The following PRKG1 variants were observed in gnomAD, a reference collection of about 807,000 sequenced individuals.
PRKG1 encodes the protein protein kinase cGMP-dependent 1.
Under a neutral mutation model 88.1 loss-of-function variants are expected in PRKG1, and 35 were observed. That is an observed-to-expected ratio of 0.40 (90% confidence interval 0.30 to 0.53). The LOEUF (loss-of-function observed/expected upper bound fraction) is 0.53. Among genes scored for constraint, PRKG1 ranks in the 20% least tolerant of loss-of-function variants. The probability of loss-of-function intolerance (pLI) is 0.59; values close to 1 mark genes in which losing one functional copy is unlikely to be tolerated. For missense variants in PRKG1, 540 were observed against 839.8 expected, an observed-to-expected ratio of 0.64 and a Z score of 4.41; for synonymous variants, 303 against 292.5, an observed-to-expected ratio of 1.04 and a Z score of -0.37.
At chr10:51,279,522 G>T (rs1840231509) in intron 2 of PRKG1, among the ~76,000 whole-genome samples, 1 of 152,298 alleles carries the variant, frequency 6.6e-6, no homozygotes, top group Admixed American at 6.5e-5. Context: ...AAGTCTCTTT[G>T]TAGGTCTCTA....
At chr10:51,724,869 C>CTTTTTTTTTTTTTTTT (rs556620255) in intron 3 of PRKG1, among the ~76,000 whole-genome samples, 1 of 110,780 alleles carries the variant, frequency 9.0e-6, no homozygotes, top group Non-Finnish European at 1.8e-5. Context: ...AATTTTTGTA[C>CTTTTTTTTTTTTTTTT]TTTTTTTTTT....
At chr10:51,032,603 A>G (rs1159968747) in intron 1 of PRKG1, among the ~76,000 whole-genome samples, 1 of 152,116 alleles carries the variant, frequency 6.6e-6, no homozygotes, top group Non-Finnish European at 1.5e-5. Flanking sequence ...TACTAAAAAT[A>G]CAAAAATTAG....
intron 3 of PRKG1, among the ~76,000 whole-genome samples, chr10:51,564,527 G>T (rs1446445716): frequency 6.6e-6 from 1 of 151,966 alleles, no homozygotes; most frequent in Non-Finnish European, 1.5e-5. Context: ...GTGTGTAAAG[G>T]CCCTGAGAAT....
chr10:51,605,738 G>T (rs539773388), intron 3 of PRKG1, among the ~76,000 whole-genome samples: 1 of 152,014 alleles, frequency 6.6e-6, no homozygotes, highest in East Asian at 1.9e-4. Context: ...TCTTTTCATC[G>T]TTTCCTTCAT....
chr10:52,258,767 C>A (rs1841365791), intron 10 of PRKG1, among the ~76,000 whole-genome samples: 1 of 152,094 alleles, frequency 6.6e-6, no homozygotes, highest in African/African-American at 2.4e-5. Context: ...AAGTAGCAAA[C>A]AAAATATTAT....
At chr10:52,222,027 G>C (rs1350394938) in intron 9 of PRKG1, among the ~76,000 whole-genome samples, 1 of 152,174 alleles carries the variant, frequency 6.6e-6, no homozygotes, top group Non-Finnish European at 1.5e-5. Flanking sequence ...TAAGGGTGGA[G>C]ATGAGTGTAT....
chr10:52,067,360 T>G (rs866178631), intron 7 of PRKG1, among the ~76,000 whole-genome samples: 1 of 152,214 alleles, frequency 6.6e-6, no homozygotes, highest in African/African-American at 2.4e-5. Context: ...TTGATAAGTT[T>G]CTGGTTGGAG....
chr10:51,334,934 G>A (rs539315941), intron 2 of PRKG1, among the ~76,000 whole-genome samples: 78 of 151,804 alleles, frequency 5.1e-4, no homozygotes, highest in Non-Finnish European at 1.1e-3. Context: ...GGAAAAACAG[G>A]AGGACGTGTT....
At position 52,089,804 on chromosome 10, in the gene PRKG1, C is replaced by CTTTTTTTTTTTTTTTTTTTTTTTTT. The variant is rs397846439; in HGVS notation, c.935+27197_935+27198insTTTTTTTTTTTTTTTTTTTTTTTTT. The stretch of plus-strand genomic sequence containing the variant: ...GGCTTAGATTATTGTTTCTTTCCTT[C>CTTTTTTTTTTTTTTTTTTTTTTTTT]TTTTTTTTTTTTTTTTTTTTTTTTG... On this transcript the variant is annotated intron_variant, in intron 7 of 17. Coordinates refer to ENST00000373980, the MANE Select transcript of PRKG1 (RefSeq NM_006258.4). Among the ~76,000 whole-genome samples the CTTTTTTTTTTTTTTTTTTTTTTTTT allele has an allele frequency of 2.8e-4, 19 of 67,734 alleles. 1 individual carries two copies. The highest frequency in any genetic ancestry group is 1.3e-3 in the East Asian group (2 of 1,564). 44.4% of individuals were successfully genotyped at this position (67,734 alleles called of 152,430 possible). A position where few individuals can be genotyped will look rare whatever the true frequency, so the allele number is the denominator to read the frequency against.
intron 4 of PRKG1, among the ~76,000 whole-genome samples, chr10:51,864,051 G>A (rs1840954177): frequency 1.3e-5 from 2 of 152,114 alleles, no homozygotes; most frequent in Admixed American, 1.3e-4. Context: ...TTGGATTAGG[G>A]GACCAACTGC....
chr10:51,790,795 T>C (rs1365199882), intron 3 of PRKG1, among the ~76,000 whole-genome samples: 1 of 152,168 alleles, frequency 6.6e-6, no homozygotes, highest in Admixed American at 6.5e-5. Context: ...CTCAATCATA[T>C]AGCTGTATGC....
At chr10:51,698,255 A>G in intron 3 of PRKG1, 5 of 1,613,764 alleles carry the variant, frequency 3.1e-6, no homozygotes, top group Non-Finnish European at 4.2e-6. Flanking sequence ...CCTCTCCATT[A>G]CACGTGTCTC....
chr10:51,859,450 A>G (rs61464441), intron 4 of PRKG1, among the ~76,000 whole-genome samples: 11,706 of 151,276 alleles, frequency 0.077, 497 homozygotes, highest in African/African-American at 0.11. Context: ...GTTTCACTAC[A>G]TTAGGGGAAG....
At chr10:51,750,095 C>G (rs900930348) in intron 3 of PRKG1, among the ~76,000 whole-genome samples, 2 of 151,966 alleles carry the variant, frequency 1.3e-5, no homozygotes, top group Non-Finnish European at 2.9e-5. Flanking sequence ...GCCACCATGC[C>G]CAGCTAACTT....
chr10:51,313,087 G>C (rs1294210657), intron 2 of PRKG1, among the ~76,000 whole-genome samples: 1 of 151,992 alleles, frequency 6.6e-6, no homozygotes, highest in Non-Finnish European at 1.5e-5. Context: ...GTGTGTGTGT[G>C]TGTGTGTAGG....
chr10:52,222,729 A>C (rs1471594954), intron 9 of PRKG1, among the ~76,000 whole-genome samples: 1 of 152,212 alleles, frequency 6.6e-6, no homozygotes, highest in African/African-American at 2.4e-5. Context: ...AATGACAATA[A>C]GTATAAAAAA....
intron 10 of PRKG1, among the ~76,000 whole-genome samples, chr10:52,266,202 T>TTA (rs1245808119): frequency 6.6e-6 from 1 of 151,472 alleles, no homozygotes; most frequent in Non-Finnish European, 1.5e-5. Flanking sequence ...ATTATTATTA[T>TTA]TATTATTATT....
chr10:52,283,702 A>G (rs1043122814), intron 14 of PRKG1, among the ~76,000 whole-genome samples: 1 of 152,082 alleles, frequency 6.6e-6, no homozygotes, highest in Non-Finnish European at 1.5e-5. Flanking sequence ...AGTATGACCA[A>G]TTAAGTAGAC....
intron 3 of PRKG1, among the ~76,000 whole-genome samples, chr10:51,642,871 G>T (rs899510693): frequency 1.3e-5 from 2 of 152,174 alleles, no homozygotes; most frequent in African/African-American, 4.8e-5. Context: ...GACCCTGAAA[G>T]AATTAGTTAT....
Sources: gnomAD v4.1 joint callset for allele counts (sites outside exome capture counted in the v4.1 genomes callset) on GRCh38, gnomAD v4.1.1 for gene constraint, MANE v1.5 for transcripts, NCBI Gene and HGNC (gene_info 2026-07-23, HGNC 2026-07-21) for gene names.